COLEC12: variants seen among roughly 807,000 people sequenced by gnomAD.
COLEC12 encodes collectin subfamily member 12, also known as collectin-12.
A neutral mutation model predicts 71.1 loss-of-function variants in COLEC12; 33 were observed. That is an observed-to-expected ratio of 0.46 (90% CI 0.35 to 0.62). The LOEUF (loss-of-function observed/expected upper bound fraction) is 0.62, where lower values mean the gene tolerates loss of function less well. Ranked by LOEUF, COLEC12 falls within the 20% of genes least tolerant of loss-of-function variation. The probability of loss-of-function intolerance (pLI) is 0.00; values close to 1 mark genes in which losing one functional copy is unlikely to be tolerated. For synonymous variants in COLEC12, 350 were observed against 353.0 expected, an observed-to-expected ratio of 0.99 and a Z score of 0.10; for missense variants, 765 against 916.1, an observed-to-expected ratio of 0.84 and a Z score of 2.13.
intron 2 of COLEC12, among the ~76,000 whole-genome samples, chr18:438,961 T>A (rs1444179545): frequency 3.3e-5 from 5 of 152,044 alleles, no homozygotes; most frequent in Non-Finnish European, 4.4e-5. Context: ...GAATAATAAA[T>A]AAAGGAAGCA....
In COLEC12 at chr18:334,993, G is replaced by T. The variant is rs1299752627; in HGVS notation, c.1565C>A (p.Ser522Tyr). The T allele has an allele frequency of 1.9e-6, 3 of 1,569,366 alleles. No individual in the cohort carries two copies. The highest frequency in any genetic ancestry group is 2.3e-5 in the South Asian group (2 of 86,080). The change falls in exon 6 of 10, where the codon TCC becomes TAC. Residue 522 changes from serine to tyrosine, a missense_variant. Physicochemically the swap from Ser to Tyr is moderately radical, Grantham distance 144. Coordinates refer to ENST00000400256, the MANE Select transcript of COLEC12 (RefSeq NM_130386.3). ...GSPGKPGPQG[S>Y]SGDPGPPGPP... The stretch of plus-strand genomic sequence containing the variant: ...GCCCGGGGGGCCTGGGTCCCCACTG[G>T]AGCCCTGAGGGCCGGGCTTCCCAGG...
chr18:404,622 T>A (rs531842161), intron 2 of COLEC12, among the ~76,000 whole-genome samples: 1 of 152,354 alleles, frequency 6.6e-6, no homozygotes, highest in Non-Finnish European at 1.5e-5. Flanking sequence ...CATTTTAATA[T>A]GGACATTTAT....
At chr18:390,415 C>A (rs750563499) in intron 2 of COLEC12, among the ~76,000 whole-genome samples, 11 of 152,142 alleles carry the variant, frequency 7.2e-5, no homozygotes, top group Non-Finnish European at 1.5e-4. Flanking sequence ...TAAACCAGTT[C>A]AATGGGCTAA....
At chr18:402,699 C>T (rs987223192) in intron 2 of COLEC12, among the ~76,000 whole-genome samples, 1 of 151,536 alleles carries the variant, frequency 6.6e-6, no homozygotes, top group South Asian at 2.1e-4. Context: ...GCTACTGCTG[C>T]GAAAGTTTGT....
At position 442,026 on chromosome 18, in the gene COLEC12, CACACACA is replaced by C. The variant is rs1457365760; in HGVS notation, c.58+38674_58+38680del. ...CTACACACACACACACACACACACA[CACACACA>C]CACACACACACACACACACAGCTTC... On this transcript the variant is annotated intron_variant, in intron 2 of 9. Transcript: ENST00000400256. 1.0e-3 allele frequency among the ~76,000 whole-genome samples: 155 copies of C among 151,016 alleles called. 1 individual carries two copies. The highest frequency in any genetic ancestry group is 3.6e-3 in the African/African-American group (148 of 41,268).
In COLEC12 at chr18:346,800, C is replaced by T. The variant is rs374626477; in HGVS notation, c.822G>A (p.Ala274=). 1.2e-4 allele frequency: 200 copies of T among 1,614,094 alleles called. No homozygotes were observed. The highest frequency in any genetic ancestry group is 3.3e-4 in the Middle Eastern group (2 of 6,084). ...SLQTLAANNS[A]LAKANNDTLE... ...GGGTGTCGTTGTTGGCTTTGGCCAA[C>T]GCAGAGTTGTTGGCAGCCAGCGTCT... is the stretch of plus-strand genomic sequence containing the variant. Residue 274 remains alanine (A), a synonymous_variant, in exon 5 of 10, where the codon GCG becomes GCA. Transcript: ENST00000400256. This position sits in a 1 kb window ranked among gnomAD's most constrained non-coding sequence, Gnocchi z 4.0.
chr18:446,594 A>G (rs1414182986), intron 2 of COLEC12, among the ~76,000 whole-genome samples: 2 of 151,154 alleles, frequency 1.3e-5, no homozygotes, highest in African/African-American at 4.9e-5. Flanking sequence ...GCATGGGAGC[A>G]CACACCTGGG....
intron 2 of COLEC12, among the ~76,000 whole-genome samples, chr18:473,965 T>C (rs754804230): frequency 4.0e-4 from 60 of 151,534 alleles, no homozygotes; most frequent in Non-Finnish European, 6.5e-4. Flanking sequence ...CCAGAGAGAG[T>C]GGGGAGGAGG....
intron 9 of COLEC12, among the ~76,000 whole-genome samples, chr18:320,333 AG>A (rs1205998442): frequency 6.6e-6 from 1 of 152,180 alleles, no homozygotes; most frequent in Non-Finnish European, 1.5e-5. Context: ...AGCATACAAA[AG>A]ACAAATCTGA....
At chr18:334,585 G>A (rs938022045) in intron 6 of COLEC12, 157 bp downstream of exon 6, 11 of 519,028 alleles carry the variant, frequency 2.1e-5, no homozygotes, top group Admixed American at 4.4e-5. Flanking sequence ...CCGAGATCAC[G>A]CCACTGCACT....
At chr18:435,505 CCACCCTTGACA>C (rs1916386921) in intron 2 of COLEC12, among the ~76,000 whole-genome samples, 1 of 152,152 alleles carries the variant, frequency 6.6e-6, no homozygotes, top group Non-Finnish European at 1.5e-5. Flanking sequence ...CCAGCTGGTC[CCACCCTTGACA>C]TGTGGGGATT....
chr18:401,946 C>T (rs1460169142), intron 2 of COLEC12, among the ~76,000 whole-genome samples: 2 of 152,110 alleles, frequency 1.3e-5, no homozygotes, highest in African/African-American at 2.4e-5. Flanking sequence ...CAACAAGGGC[C>T]TCCACTTTAA....
chr18:385,633 A>AT (rs1915329821), intron 2 of COLEC12, among the ~76,000 whole-genome samples: 1 of 152,146 alleles, frequency 6.6e-6, no homozygotes, highest in South Asian at 2.1e-4. Flanking sequence ...AAAAATGGAA[A>AT]TTTTTTTAAA....
chr18:340,791 C>T lies in COLEC12; in HGVS notation c.1327+5504G>A, dbSNP rs73373524. ...CACTTAATCAAATATTTATTAAATGCCTACCATAGGAAAAAGTCATTGCGC... is the reference window on the plus strand; with the variant it reads ...CACTTAATCAAATATTTATTAAATGTCTACCATAGGAAAAAGTCATTGCGC... On this transcript the variant is annotated intron_variant, in intron 5 of 9. Transcript: ENST00000400256. Among the ~76,000 whole-genome samples the T allele has an allele frequency of 5.1e-3, 778 of 152,268 alleles. 6 individuals are homozygous for T. Among genetic ancestry groups the T allele is most frequent in the African/African-American group, 0.018 (727 of 41,534 alleles).
At chr18:412,438 C>G (rs1207956661) in intron 2 of COLEC12, among the ~76,000 whole-genome samples, 5 of 150,546 alleles carry the variant, frequency 3.3e-5, no homozygotes, top group African/African-American at 4.9e-5. Context: ...ATATCTCCAA[C>G]AGTCCTAATC....
intron 1 of COLEC12, among the ~76,000 whole-genome samples, chr18:493,435 A>G (rs1166973601): frequency 6.6e-6 from 1 of 152,232 alleles, no homozygotes; most frequent in Non-Finnish European, 1.5e-5. Context: ...ATATAATTCA[A>G]GATATGAAAT....
chr18:484,996 G>C (rs1186423802), intron 1 of COLEC12, among the ~76,000 whole-genome samples: 1 of 152,224 alleles, frequency 6.6e-6, no homozygotes, highest in Non-Finnish European at 1.5e-5. Context: ...ACGGGAAAGA[G>C]AATGAGTAGT....
At chr18:377,119 G>C (rs1208951642) in intron 2 of COLEC12, among the ~76,000 whole-genome samples, 1 of 152,204 alleles carries the variant, frequency 6.6e-6, no homozygotes, top group African/African-American at 2.4e-5. Flanking sequence ...GGACCTGGTG[G>C]TGCCCTGGAG....
chr18:319,963 A>G lies in COLEC12; in HGVS notation c.*82T>C. ...TCAGTGCTTTTTTTTTTTCAATCTG[A>G]TGAGAAGGTGATGCAATTAGAAAGG... On this transcript the variant is annotated 3_prime_UTR_variant, in exon 10 of 10. Coordinates refer to ENST00000400256, the MANE Select transcript of COLEC12 (RefSeq NM_130386.3). 2 of 800,592 alleles carry G rather than the reference A, an allele frequency of 2.5e-6. No individual in the cohort carries two copies. Among genetic ancestry groups the G allele is most frequent in the Non-Finnish European group, 4.2e-6 (2 of 481,156 alleles). 49.6% of individuals were successfully genotyped at this position (800,592 alleles called of 1,614,324 possible).
Sources: gnomAD v4.1 joint callset for allele counts (sites outside exome capture counted in the v4.1 genomes callset) on GRCh38, gnomAD v4.1.1 for gene constraint, Gnocchi (gnomAD v3.1) non-coding constraint, MANE v1.5 for transcripts, NCBI Gene and HGNC (gene_info 2026-07-23, HGNC 2026-07-21) for gene names.